The following SYNJ1 variants were observed in gnomAD, a reference collection of about 807,000 sequenced individuals.
The protein encoded by SYNJ1 is synaptojanin 1.
SYNJ1 carries 78 observed loss-of-function variants against 168.2 expected under a neutral mutation model. That is an observed-to-expected ratio of 0.46 (90% CI 0.39 to 0.56). The LOEUF (loss-of-function observed/expected upper bound fraction) is 0.56. SYNJ1 is among the 20% of genes least tolerant of loss of function. SYNJ1 has a pLI of 0.00. For missense variants in SYNJ1, 1,303 were observed against 1,597.6 expected (o/e 0.82, Z 3.14); for synonymous variants, 539 against 548.6 (o/e 0.98, Z 0.24).
At position 32,685,874 on chromosome 21, in the gene SYNJ1, A is replaced by G. The variant is rs1380221624; in HGVS notation, c.992T>C (p.Val331Ala). 1.2e-6 allele frequency: 2 copies of G among 1,612,512 alleles called. No individual in the cohort carries two copies. The highest frequency in any genetic ancestry group is 1.7e-6 in the Non-Finnish European group (2 of 1,179,376). The part of the protein sequence containing the change: ...ASEHAADIQM[V>A]NFDYHQMVKG... ...AACCATTTGATGATAGTCAAAATTC[A>G]CCATCTGGATATCAGCAGCATGTTC... is the stretch of plus-strand genomic sequence containing the variant. The change falls in exon 9 of 33, where the codon GTG becomes GCG. Residue 331 changes from valine (V) to alanine (A), a missense_variant. This residue lies in a region of SYNJ1 where 920 missense variants were observed against 1,208.8 expected (regional missense o/e 0.76). Coordinates refer to ENST00000674351, the MANE Select transcript of SYNJ1 (RefSeq NM_203446.3).
intron 9 of SYNJ1, 41 bp downstream of exon 9, chr21:32,685,707 A>G (rs759063134): frequency 1.4e-6 from 2 of 1,414,356 alleles, no homozygotes; most frequent in East Asian, 5.1e-5. Flanking sequence ...ATTTTTAATT[A>G]ATGTTCCAAT....
intron 25 of SYNJ1, 43 bp from the exon 26 acceptor site, chr21:32,645,049 T>TTAAC: frequency 6.3e-7 from 1 of 1,580,072 alleles, no homozygotes; most frequent in South Asian, 1.2e-5. Flanking sequence ...GGAAATGACA[T>TTAAC]TAAATACAGA....
chr21:32,722,200 AAAAAAAT>A lies in SYNJ1; in HGVS notation c.124+4565_124+4571del, dbSNP rs1308856285. ...AACTCCATCTCAAAGAAAAAAAAAA[AAAAAAAT>A]ATATATATATATATATATATATATA... On this transcript the variant is annotated intron_variant, in intron 2 of 32. Coordinates refer to ENST00000674351, the MANE Select transcript of SYNJ1 (RefSeq NM_203446.3). 6.1e-3 allele frequency among the ~76,000 whole-genome samples: 703 copies of A among 114,314 alleles called. 2 individuals carry two copies. Among genetic ancestry groups the A allele is most frequent in the African/African-American group, 0.024 (622 of 25,998 alleles). 75.0% of individuals were successfully genotyped at this position (114,314 alleles called of 152,430 possible).
intron 15 of SYNJ1, among the ~76,000 whole-genome samples, chr21:32,669,017 G>C (rs979774298): frequency 1.3e-5 from 2 of 152,098 alleles, no homozygotes; most frequent in African/African-American, 4.8e-5. Flanking sequence ...CTTCGCCTAA[G>C]AATGTCCTTG....
chr21:32,637,310 G>T (rs1389053153), intron 31 of SYNJ1, among the ~76,000 whole-genome samples: 1 of 140,386 alleles, frequency 7.1e-6, no homozygotes, highest in African/African-American at 2.7e-5. Flanking sequence ...AAAAATTCAC[G>T]ATTCACTAAA....
At chr21:32,722,228 ATAT>A (rs2043269651) in intron 2 of SYNJ1, among the ~76,000 whole-genome samples, 1 of 143,180 alleles carries the variant, frequency 7.0e-6, no homozygotes, top group Non-Finnish European at 1.5e-5. Flanking sequence ...ATATATATAT[ATAT>A]AATGTATGCA....
chr21:32,657,679 C>T, intron 19 of SYNJ1, 37 bp downstream of exon 19: 1 of 1,558,580 alleles, frequency 6.4e-7, no homozygotes, highest in South Asian at 1.2e-5. Flanking sequence ...CATAAGTTTA[C>T]ATTAGTTCAT....
At position 32,631,618 on chromosome 21, in the gene SYNJ1, A is replaced by AAAGTATT; in HGVS notation, c.*186_*187insAATACTT. On this transcript the variant is annotated 3_prime_UTR_variant, in exon 33 of 33. Coordinates refer to ENST00000674351, the MANE Select transcript of SYNJ1 (RefSeq NM_203446.3). ...GTTGGCATGCAACTTACAGAACTCA[A>AAAGTATT]AACATTACTTTGCGTTGCAGAAGGC... The AAAGTATT allele has an allele frequency of 6.2e-7, 1 of 1,613,038 alleles. No individual in the cohort carries two copies. The highest frequency in any genetic ancestry group is 1.1e-5 in the South Asian group (1 of 91,050).
intron 9 of SYNJ1, among the ~76,000 whole-genome samples, chr21:32,684,725 G>T (rs569119277): frequency 2.0e-5 from 3 of 152,086 alleles, no homozygotes; most frequent in African/African-American, 7.2e-5. Flanking sequence ...ATATTAAAAC[G>T]TAAGTTTTAA....
chr21:32,653,528 C>G, intron 21 of SYNJ1, 162 bp from the exon 22 acceptor site: 2 of 577,404 alleles, frequency 3.5e-6, no homozygotes, highest in Non-Finnish European at 3.1e-6. Flanking sequence ...GGAGAGGGCA[C>G]TCTTCCCCTA....
chr21:32,716,720 T>C (rs1391444655), intron 2 of SYNJ1, among the ~76,000 whole-genome samples: 2 of 152,222 alleles, frequency 1.3e-5, no homozygotes, highest in East Asian at 1.9e-4. Context: ...TATTATTTCT[T>C]CAAGTGTTTT....
chr21:32,683,952 G>T, intron 10 of SYNJ1, 86 bp downstream of exon 10: 1 of 1,166,084 alleles, frequency 8.6e-7, no homozygotes, highest in Non-Finnish European at 1.3e-6. Context: ...TACACTTTCT[G>T]GAAGGTAATA....
intron 4 of SYNJ1, among the ~76,000 whole-genome samples, chr21:32,698,490 A>G (rs772449744): frequency 5.1e-4 from 77 of 152,342 alleles, no homozygotes; most frequent in Admixed American, 5.2e-4. Context: ...GCCAAGAGCA[A>G]AGAGTCCTGA....
chr21:32,696,882 C>T (rs576681314), intron 4 of SYNJ1, among the ~76,000 whole-genome samples: 137 of 152,318 alleles, frequency 9.0e-4, no homozygotes, highest in Middle Eastern at 3.4e-3. Context: ...AATGTTAAAT[C>T]TGATGACCAT....
chr21:32,665,821 G>T, intron 17 of SYNJ1, 122 bp downstream of exon 17: 1 of 1,021,238 alleles, frequency 9.8e-7, no homozygotes, highest in Non-Finnish European at 1.4e-6. Context: ...TATCTATTTA[G>T]GTGAATATTC....
At chr21:32,723,843 A>G (rs150863441) in intron 2 of SYNJ1, among the ~76,000 whole-genome samples, 7 of 152,044 alleles carry the variant, frequency 4.6e-5, no homozygotes, top group Non-Finnish European at 1.0e-4. Flanking sequence ...AATAAAAGCA[A>G]AAAAGAAGTA....
intron 2 of SYNJ1, among the ~76,000 whole-genome samples, chr21:32,708,974 G>A (rs2042716771): frequency 6.6e-6 from 1 of 151,994 alleles, no homozygotes; most frequent in South Asian, 2.1e-4. Flanking sequence ...AATAAAGGTG[G>A]AACAATATGT....
intron 8 of SYNJ1, 67 bp from the exon 9 acceptor site, chr21:32,685,984 A>T (rs1175136678): frequency 2.0e-6 from 3 of 1,496,732 alleles, no homozygotes; most frequent in South Asian, 1.3e-5. Context: ...CTAAATATTC[A>T]TCACATTTCA....
intron 4 of SYNJ1, among the ~76,000 whole-genome samples, chr21:32,698,009 TG>T (rs2042271311): frequency 2.0e-5 from 3 of 152,162 alleles, no homozygotes; most frequent in Admixed American, 2.0e-4. Flanking sequence ...CTAGAAAAAA[TG>T]TAGTGTTGGC....
Sources: gnomAD v4.1 joint callset for allele counts (sites outside exome capture counted in the v4.1 genomes callset) on GRCh38, gnomAD v4.1.1 for gene constraint, gnomAD v4.1.1 regional missense constraint, MANE v1.5 for transcripts, NCBI Gene and HGNC (gene_info 2026-07-23, HGNC 2026-07-21) for gene names.